Variants in LNPEP observed in about 807,000 individuals in gnomAD.
LNPEP encodes the protein leucyl and cystinyl aminopeptidase, also known as leucyl-cystinyl aminopeptidase.
In LNPEP, 64 loss-of-function variants were observed where a neutral mutation model predicts 120.6. The ratio of observed to expected loss-of-function variants is 0.53; its 90% CI spans 0.43 to 0.65. LNPEP has a LOEUF of 0.65. LNPEP is among the 30% of genes least tolerant of loss of function. The probability of loss-of-function intolerance (pLI) is 0.00; values close to 1 mark genes in which losing one functional copy is unlikely to be tolerated. For synonymous variants in LNPEP, 435 were observed against 425.4 expected, an observed-to-expected ratio of 1.02 and a Z score of -0.28; for missense variants, 1,057 against 1,200.0, an observed-to-expected ratio of 0.88 and a Z score of 1.76.
At chr5:96,959,481 T>TAGC (rs1322018019) in intron 1 of LNPEP, among the ~76,000 whole-genome samples, 1 of 152,230 alleles carries the variant, frequency 6.6e-6, no homozygotes, top group Non-Finnish European at 1.5e-5. Context: ...ACATGGCTCA[T>TAGC]GATCACCAAA....
intron 1 of LNPEP, chr5:96,937,636 T>C (rs1788945907): frequency 6.6e-6 from 1 of 152,222 alleles, no homozygotes; most frequent in South Asian, 2.1e-4. Flanking sequence ...ACCATGTTTT[T>C]AAATGTGAAA....
intron 1 of LNPEP, among the ~76,000 whole-genome samples, chr5:96,950,443 A>G (rs892243200): frequency 6.6e-6 from 1 of 152,238 alleles, no homozygotes; most frequent in Non-Finnish European, 1.5e-5. Context: ...ATTTCCTAAT[A>G]TACCATAGAG....
chr5:97,003,304 A>G, intron 8 of LNPEP, 111 bp from the exon 9 acceptor site: 1 of 622,448 alleles, frequency 1.6e-6, no homozygotes, highest in Non-Finnish European at 2.7e-6. Flanking sequence ...TAAGTTCTAC[A>G]TATGAAAGTA....
chr5:97,021,618 A>G lies in LNPEP; in HGVS notation c.2377-682A>G, dbSNP rs193025575. 9.4e-4 allele frequency among the ~76,000 whole-genome samples: 143 copies of G among 152,312 alleles called. 1 individual carries two copies. Among genetic ancestry groups the G allele is most frequent in the African/African-American group, 3.2e-3 (135 of 41,568 alleles). On this transcript the variant is annotated intron_variant, in intron 13 of 17. Transcript: ENST00000231368. Reference sequence around the variant, plus strand: ...CAGGAAGTCCTGACATCCTTCCAGCAGTGGTTATAAGTGATACTTTTTGGC... The same window carrying G: ...CAGGAAGTCCTGACATCCTTCCAGCGGTGGTTATAAGTGATACTTTTTGGC...
intron 1 of LNPEP, among the ~76,000 whole-genome samples, chr5:96,963,033 C>A (rs1034339088): frequency 5.3e-5 from 8 of 152,086 alleles, no homozygotes; most frequent in Non-Finnish European, 1.2e-4. Context: ...ATAAAGAATA[C>A]AAAATGTTCT....
intron 1 of LNPEP, among the ~76,000 whole-genome samples, chr5:96,976,380 G>A (rs1270840110): frequency 6.6e-6 from 1 of 152,076 alleles, no homozygotes; most frequent in African/African-American, 2.4e-5. Context: ...TAAGTTATTT[G>A]GATTTAGGCA....
In LNPEP at chr5:97,035,995, A is replaced by C. The variant is rs997705923; in HGVS notation, c.*7462A>C. On this transcript the variant is annotated 3_prime_UTR_variant, in exon 18 of 18. Transcript: ENST00000231368. ...GCTGTGTTTAAACTTCATTGCTCAT[A>C]TATCTTTTAGTAACTGGTAAACCGG... is the stretch of plus-strand genomic sequence containing the variant. The C allele has an allele frequency of 6.6e-6, 1 of 152,292 alleles. No homozygotes were observed. The highest frequency in any genetic ancestry group is 1.9e-4 in the East Asian group (1 of 5,182). The allele number at this position is 152,292 out of a possible 1,614,324, so 9.4% of individuals were successfully genotyped here.
At chr5:97,010,314 A>C (rs949540300) in intron 11 of LNPEP, 1 of 978,930 alleles carries the variant, frequency 1.0e-6, no homozygotes, top group Admixed American at 6.2e-5. Flanking sequence ...TCACTATCAG[A>C]AATACTGCTG....
chr5:96,970,922 ACC>A, intron 1 of LNPEP, among the ~76,000 whole-genome samples: 3 of 152,052 alleles, frequency 2.0e-5, no homozygotes, highest in Non-Finnish European at 4.4e-5. Context: ...AAGAATGTAC[ACC>A]TTTTATTTTA....
At chr5:96,940,923 G>A (rs899022083) in intron 1 of LNPEP, among the ~76,000 whole-genome samples, 1 of 152,156 alleles carries the variant, frequency 6.6e-6, no homozygotes, top group African/African-American at 2.4e-5. Context: ...TCTAGTTTGT[G>A]ATATATTCTA....
intron 13 of LNPEP, among the ~76,000 whole-genome samples, chr5:97,015,471 G>A (rs1791045001): frequency 6.6e-6 from 1 of 151,978 alleles, no homozygotes; most frequent in Non-Finnish European, 1.5e-5. Flanking sequence ...TGACAGTTAC[G>A]TTTGTATTGA....
chr5:96,981,252 T>C (rs1419536611), intron 2 of LNPEP, among the ~76,000 whole-genome samples: 1 of 152,180 alleles, frequency 6.6e-6, no homozygotes, highest in Non-Finnish European at 1.5e-5. Context: ...AAAATGGCTT[T>C]GAATTATAGT....
At position 97,006,483 on chromosome 5, in the gene LNPEP, A is replaced by G. The variant is rs771041446; in HGVS notation, c.2003A>G (p.Tyr668Cys). ...YVTEGRNYSK[Y>C]QSVSLLDKKS... is the part of the protein sequence containing the mutation. ...ACTGAAGGAAGAAATTATTCAAAAT[A>G]TCAATCGGTATCATTACTGGATAAG... Residue 668 changes from tyrosine (Y) to cysteine (C), a missense_variant, in exon 11 of 18, where the codon TAT becomes TGT. By Grantham distance (194) the Tyr-to-Cys change is radical. Coordinates refer to ENST00000231368, the MANE Select transcript of LNPEP (RefSeq NM_005575.3). 1.3e-6 allele frequency: 2 copies of G among 1,561,968 alleles called. No individual in the cohort carries two copies. Among genetic ancestry groups the G allele is most frequent in the East Asian group, 2.2e-5 (1 of 44,532 alleles).
rs971669176 is a variant in LNPEP at position 97,011,173 on chromosome 5, G to A, written c.2036-2475G>A. The A allele has an allele frequency of 3.1e-4, 301 of 985,154 alleles. 1 individual carries two copies. Among genetic ancestry groups the A allele is most frequent in the Middle Eastern group, 1.5e-3 (3 of 1,936 alleles). The allele number at this position is 985,154 out of a possible 1,614,324, so 61.0% of individuals were successfully genotyped here. A position where few individuals can be genotyped will look rare whatever the true frequency, so the allele number is the denominator to read the frequency against. ...CATCATTTCTTGTCTCCTTTTATGG[G>A]CAAGGGAGACTTGGGTCTCTGTAGC... On this transcript the variant is annotated intron_variant, in intron 11 of 17. Transcript: ENST00000231368.
At position 96,979,167 on chromosome 5, in the gene LNPEP, G is replaced by C; in HGVS notation, c.49G>C (p.Glu17Gln). The C allele has an allele frequency of 6.2e-7, 1 of 1,611,850 alleles. No individual in the cohort carries two copies. The highest frequency in any genetic ancestry group is 8.5e-7 in the Non-Finnish European group (1 of 1,178,756). Residue 17 changes from glutamate (E) to glutamine (Q), a missense_variant, in exon 2 of 18, where the codon GAA becomes CAA. Coordinates refer to ENST00000231368, the MANE Select transcript of LNPEP (RefSeq NM_005575.3). ...GCTTCAGCTCCCCAGGAATATGATTGAAAACAGCATGTTTGAGGAAGAACC... is the reference window on the plus strand; with the variant it reads ...GCTTCAGCTCCCCAGGAATATGATTCAAAACAGCATGTTTGAGGAAGAACC... ...DRLQLPRNMI[E>Q]NSMFEEEPDV...
At chr5:96,964,882 T>C (rs970973656) in intron 1 of LNPEP, among the ~76,000 whole-genome samples, 1 of 152,314 alleles carries the variant, frequency 6.6e-6, no homozygotes, top group South Asian at 2.1e-4. Flanking sequence ...TAGCATTTCA[T>C]TTACAAATCA....
Position 97,028,562 on chromosome 5 carries a change from C to G in LNPEP, c.*29C>G. On this transcript the variant is annotated 3_prime_UTR_variant, in exon 18 of 18. Coordinates refer to ENST00000231368, the MANE Select transcript of LNPEP (RefSeq NM_005575.3). ...GCACAACCGCACCTCATTTTGTTGC[C>G]CATTCAGAGAGCTTGTAAGCTTGGG... 3 of 1,610,162 alleles carry G rather than the reference C, an allele frequency of 1.9e-6. No homozygotes were observed. The highest frequency in any genetic ancestry group is 2.5e-6 in the Non-Finnish European group (3 of 1,177,982).
chr5:96,981,986 A>G (rs1227546302), intron 2 of LNPEP, among the ~76,000 whole-genome samples: 6 of 152,146 alleles, frequency 3.9e-5, no homozygotes, highest in African/African-American at 7.2e-5. Flanking sequence ...GATGATAATA[A>G]TAGCCAGTAT....
chr5:96,936,361 G>C (rs556031605), intron 1 of LNPEP, 187 bp downstream of exon 1: 1 of 434,508 alleles, frequency 2.3e-6, no homozygotes, highest in African/African-American at 2.1e-5. Flanking sequence ...GCGGCGGCCA[G>C]TGCGGGACCC....
Sources: gnomAD v4.1 joint callset for allele counts (sites outside exome capture counted in the v4.1 genomes callset) on GRCh38, gnomAD v4.1.1 for gene constraint, MANE v1.5 for transcripts, NCBI Gene and HGNC (gene_info 2026-07-23, HGNC 2026-07-21) for gene names.